The following DGKG variants were observed in gnomAD, a reference collection of about 807,000 sequenced individuals.
DGKG encodes DAG kinase gamma.
DGKG carries 78 observed loss-of-function variants against 105.3 expected under a neutral mutation model. The observed-to-expected ratio is 0.74, with a 90% CI of 0.62 to 0.89. DGKG has a LOEUF of 0.89. Among genes scored for constraint, DGKG ranks in the 40% least tolerant of loss-of-function variants. The pLI, the probability that DGKG is intolerant of heterozygous loss-of-function variation, is 0.00. For missense variants in DGKG, 958 were observed against 1,020.1 expected (o/e 0.94, Z 0.83); for synonymous variants, 346 against 367.1 (o/e 0.94, Z 0.66).
intron 19 of DGKG, among the ~76,000 whole-genome samples, chr3:186,243,190 A>G (rs1720771028): frequency 6.6e-6 from 1 of 151,554 alleles, no homozygotes; most frequent in African/African-American, 2.4e-5. Context: ...GTGGCACTGG[A>G]TAACATGCTT....
At chr3:186,275,945 G>GATCTATCTATCT (rs146027394) in intron 9 of DGKG, among the ~76,000 whole-genome samples, 5 of 148,588 alleles carry the variant, frequency 3.4e-5, no homozygotes, top group African/African-American at 7.5e-5. Flanking sequence ...ACAACAATCT[G>GATCTATCTATCT]ATCTATCTAT....
At chr3:186,338,143 C>CCAGGCAACAGAGTGAGACCCTA (rs2108657827) in intron 1 of DGKG, among the ~76,000 whole-genome samples, 1 of 147,226 alleles carries the variant, frequency 6.8e-6, no homozygotes, top group African/African-American at 2.5e-5. Flanking sequence ...GCACTCTAGC[C>CCAGGCAACAGAGTGAGACCCTA]CAGGCAACAG....
At position 186,210,504 on chromosome 3, in the gene DGKG, C is replaced by A. The variant is rs551377148; in HGVS notation, c.1917+1291G>T. Among the ~76,000 whole-genome samples the A allele has an allele frequency of 1.3e-5, 2 of 152,222 alleles. No homozygotes were observed. Among genetic ancestry groups the A allele is most frequent in the African/African-American group, 2.4e-5 (1 of 41,454 alleles). ...CAAAAGTTCAGGGGATTAGCCAGAT[C>A]GGCGCCTCCCACCCTGGCGTTGGTA... On this transcript the variant is annotated intron_variant, in intron 21 of 24. Coordinates refer to ENST00000265022, the MANE Select transcript of DGKG (RefSeq NM_001346.3). The surrounding 1 kb of genome is among the most constrained non-coding windows in gnomAD (Gnocchi z 5.2).
At position 186,165,482 on chromosome 3, in the gene DGKG, A is replaced by G. The variant is rs137965221; in HGVS notation, c.2096-464T>C. ...CCCCACTGACAATGACTGATGGTTA[A>G]TTAACCTCAAATTTGGCCTGTGGTA... is the stretch of plus-strand genomic sequence containing the variant. On this transcript the variant is annotated intron_variant, in intron 22 of 24. Coordinates refer to ENST00000265022, the MANE Select transcript of DGKG (RefSeq NM_001346.3). 1.2e-3 allele frequency among the ~76,000 whole-genome samples: 182 copies of G among 152,368 alleles called. 3 individuals are homozygous for G. The highest frequency in any genetic ancestry group is 6.8e-3 in the Middle Eastern group (2 of 294).
At chr3:186,178,030 C>T (rs1717169788) in intron 22 of DGKG, among the ~76,000 whole-genome samples, 1 of 152,038 alleles carries the variant, frequency 6.6e-6, no homozygotes, top group Non-Finnish European at 1.5e-5. Context: ...TAAGAAGAGA[C>T]CAAGAGAGAT....
intron 20 of DGKG, among the ~76,000 whole-genome samples, chr3:186,225,039 C>T (rs1027003159): frequency 1.3e-5 from 2 of 151,520 alleles, no homozygotes; most frequent in Admixed American, 6.6e-5. Context: ...TCTCTTTGTC[C>T]CCCTGAGTCC....
At chr3:186,261,314 G>C (rs1387584138) in intron 15 of DGKG, among the ~76,000 whole-genome samples, 2 of 152,128 alleles carry the variant, frequency 1.3e-5, no homozygotes, top group Non-Finnish European at 2.9e-5. Flanking sequence ...GCTTCTCACG[G>C]GTGACGGTAG....
chr3:186,289,041 A>C (rs1723197068), intron 5 of DGKG, among the ~76,000 whole-genome samples, 161 bp from the exon 6 acceptor site: 1 of 152,204 alleles, frequency 6.6e-6, no homozygotes, highest in Admixed American at 6.5e-5. Context: ...GGCCCTAGAA[A>C]TCCAACTTGT....
intron 20 of DGKG, among the ~76,000 whole-genome samples, chr3:186,234,570 T>C (rs1720321888): frequency 1.3e-5 from 2 of 152,240 alleles, no homozygotes; most frequent in Non-Finnish European, 2.9e-5. Flanking sequence ...TTCCTTCTGA[T>C]ATGATCACAA....
chr3:186,326,800 T>C (rs1725367340), intron 1 of DGKG, among the ~76,000 whole-genome samples: 1 of 152,212 alleles, frequency 6.6e-6, no homozygotes, highest in African/African-American at 2.4e-5. Context: ...TATTTCATTT[T>C]AGGATGTTTT....
At chr3:186,328,463 G>A (rs868618327) in intron 1 of DGKG, among the ~76,000 whole-genome samples, 8 of 152,188 alleles carry the variant, frequency 5.3e-5, no homozygotes, top group Admixed American at 2.6e-4. Flanking sequence ...GAGGGGTGAC[G>A]AGGTGATGTG....
rs145758458 is a variant in DGKG, at chr3:186,336,385, TA to T, written c.-248-15679del. ...ATGCATTCTTAAGTAACTCCATGTT[TA>T]AAAAAAATGTAAATATGAAGATTTT... On this transcript the variant is annotated intron_variant, in intron 1 of 24. Coordinates refer to ENST00000265022, the MANE Select transcript of DGKG (RefSeq NM_001346.3). Among the ~76,000 whole-genome samples, 91 of 152,132 alleles carry T rather than the reference TA, an allele frequency of 6.0e-4. 1 individual carries two copies. The highest frequency in any genetic ancestry group is 2.0e-3 in the African/African-American group (82 of 41,484).
At chr3:186,355,514 C>T (rs1023104622) in intron 1 of DGKG, among the ~76,000 whole-genome samples, 2 of 151,330 alleles carry the variant, frequency 1.3e-5, no homozygotes, top group Non-Finnish European at 3.0e-5. Flanking sequence ...ACCACCATCA[C>T]CTCCACTGCC....
chr3:186,169,061 T>C (rs1199678065), intron 22 of DGKG, among the ~76,000 whole-genome samples: 3 of 152,210 alleles, frequency 2.0e-5, no homozygotes, highest in African/African-American at 7.2e-5. Context: ...ATATGTACAT[T>C]GTGGCATCAT....
intron 14 of DGKG, among the ~76,000 whole-genome samples, chr3:186,262,777 C>T (rs1340272363): frequency 2.0e-5 from 3 of 152,154 alleles, no homozygotes; most frequent in Admixed American, 6.6e-5. Context: ...TCTGCTCGTG[C>T]TTGTTTCTTC....
intron 21 of DGKG, among the ~76,000 whole-genome samples, chr3:186,197,498 C>T (rs2268850): frequency 0.47 from 71,206 of 151,960 alleles, 19,919 homozygotes; most frequent in East Asian, 0.73. Context: ...AATAAGCCAC[C>T]CTGTGCAGCC....
In DGKG at chr3:186,288,805, C is replaced by T. The variant is rs375556558; in HGVS notation, c.449G>A (p.Arg150Gln). The T allele has an allele frequency of 3.3e-5, 54 of 1,612,946 alleles. No homozygotes were observed. Among genetic ancestry groups the T allele is most frequent in the South Asian group, 1.9e-4 (17 of 90,988 alleles). The change falls in exon 6 of 25, where the codon CGG becomes CAG. Residue 150 changes from arginine (R) to glutamine (Q), a missense_variant. Around this residue, in one of 2 missense-constraint regions of DGKG, gnomAD observed 643 missense variants for 619.5 expected, o/e 1.04. Coordinates refer to ENST00000265022, the MANE Select transcript of DGKG (RefSeq NM_001346.3). ...CACTGGGGATTCCGAGCTTGAAGAC[C>T]GAGGGACGGGGGGTTCCAGGGGGGT... ...AATPLEPPVPRSSSSESPVVY... is the reference protein window; with the variant it reads ...AATPLEPPVPQSSSSESPVVY...
chr3:186,239,473 A>C (rs1720572084), intron 20 of DGKG, among the ~76,000 whole-genome samples: 1 of 152,230 alleles, frequency 6.6e-6, no homozygotes, highest in African/African-American at 2.4e-5. Flanking sequence ...CCATGGCAAC[A>C]ACCACCTGCC....
intron 20 of DGKG, among the ~76,000 whole-genome samples, chr3:186,239,173 C>T (rs1330163683): frequency 1.3e-5 from 2 of 152,094 alleles, no homozygotes; most frequent in Non-Finnish European, 2.9e-5. Flanking sequence ...GTAAGTGTTC[C>T]GGACCTGACT....
Sources: gnomAD v4.1 joint callset for allele counts (sites outside exome capture counted in the v4.1 genomes callset) on GRCh38, gnomAD v4.1.1 for gene constraint, gnomAD v4.1.1 regional missense constraint, Gnocchi (gnomAD v3.1) non-coding constraint, MANE v1.5 for transcripts, NCBI Gene and HGNC (gene_info 2026-07-23, HGNC 2026-07-21) for gene names.